The following WDR76 variants were observed in gnomAD, a reference collection of about 807,000 sequenced individuals.
The protein encoded by WDR76 is WD repeat domain 76.
Under a neutral mutation model 70.2 loss-of-function variants are expected in WDR76, and 52 were observed. That is an observed-to-expected ratio of 0.74 (90% CI 0.59 to 0.93). The LOEUF is 0.93. WDR76 is among the 40% of genes least tolerant of loss of function. The probability of loss-of-function intolerance (pLI) is 0.00; values close to 1 mark genes in which losing one functional copy is unlikely to be tolerated. For missense variants in WDR76, 756 were observed against 760.2 expected (o/e 0.99, Z 0.07); for synonymous variants, 292 against 271.1 (o/e 1.08, Z -0.76).
At chr15:43,843,788 A>G in intron 7 of WDR76, 113 bp from the exon 8 acceptor site, 2 of 950,044 alleles carry the variant, frequency 2.1e-6, no homozygotes, top group East Asian at 2.8e-5. Context: ...AGGAGATTGA[A>G]TAGTTCCCAT....
At chr15:43,858,579 A>T in intron 10 of WDR76, 92 bp from the exon 11 acceptor site, 1 of 1,478,812 alleles carries the variant, frequency 6.8e-7, no homozygotes, top group Non-Finnish European at 9.2e-7. Flanking sequence ...TCAGTATAGC[A>T]AGTATGTGAG....
Position 43,828,003 on chromosome 15 carries a change from G to A in WDR76, c.99G>A (p.Val33=). 6.2e-7 allele frequency: 1 copy of A among 1,609,482 alleles called. No individual in the cohort carries two copies. The change falls in exon 2 of 13, where the codon GTG becomes GTA. Residue 33 remains valine (V), a synonymous_variant. Coordinates refer to ENST00000263795, the MANE Select transcript of WDR76 (RefSeq NM_024908.4). ...AAGAAAATCAAAACATCGCTTATGT[G>A]TCTCTGAGACCAGCACAGACTACAG... The part of the protein sequence containing the change: ...EYKENQNIAY[V]SLRPAQTTVL...
intron 3 of WDR76, among the ~76,000 whole-genome samples, chr15:43,835,478 G>C (rs1365445944): frequency 9.4e-6 from 1 of 106,540 alleles, no homozygotes; most frequent in Non-Finnish European, 2.0e-5. Flanking sequence ...AACAGAGCCA[G>C]ACCCTGTCTC....
In WDR76 at chr15:43,837,731, G is replaced by A. The variant is rs935781843; in HGVS notation, c.608+1515G>A. ...GTACATATAATGTATTTGTGTAGTT[G>A]AAAAATTATACAGGTCCCATCCATG... On this transcript the variant is annotated intron_variant, in intron 4 of 12. Transcript: ENST00000263795. 3.3e-5 allele frequency among the ~76,000 whole-genome samples: 5 copies of A among 152,036 alleles called. No homozygotes were observed. In the East Asian group the frequency reaches 5.8e-4, roughly 18 times the overall value.
rs1439557164 is a variant in WDR76, at chr15:43,835,304, C to T, written c.552+154C>T. On this transcript the variant is annotated intron_variant, in intron 3 of 12. Transcript: ENST00000263795. ...TAACATACGGAGACCCGCCCCCCGCCCCCCGCCCCCCACCCCAATCTCTAT... is the reference window on the plus strand; with the variant it reads ...TAACATACGGAGACCCGCCCCCCGCTCCCCGCCCCCCACCCCAATCTCTAT... Among the ~76,000 whole-genome samples the T allele has an allele frequency of 3.0e-4, 41 of 137,302 alleles. No homozygotes were observed. The South Asian group carries it at 0.01, about 34-fold the overall frequency. The allele number at this position is 137,302 out of a possible 152,430, so 90.1% of individuals were successfully genotyped here.
intron 8 of WDR76, among the ~76,000 whole-genome samples, chr15:43,850,453 G>T (rs1245249433): frequency 1.3e-5 from 2 of 151,756 alleles, no homozygotes; most frequent in Non-Finnish European, 2.9e-5. Flanking sequence ...CGGCCACCAC[G>T]CCCGGCTAGT....
At position 43,835,105 on chromosome 15, in the gene WDR76, C is replaced by A; in HGVS notation, c.507C>A (p.Asn169Lys). Residue 169 changes from asparagine (N) to lysine (K), a missense_variant, in exon 3 of 13, where the codon AAC becomes AAA. Transcript: ENST00000263795. The part of the protein sequence containing the change: ...LSPYERKRLK[N>K]ISENADFFAS... ...CCTACGAAAGGAAGAGACTGAAGAA[C>A]ATATCAGAAAACGCAGACTTTTTTG... 2 of 1,614,090 alleles carry A rather than the reference C, an allele frequency of 1.2e-6. No individual in the cohort carries two copies. Among genetic ancestry groups the A allele is most frequent in the Non-Finnish European group, 1.7e-6 (2 of 1,180,022 alleles).
Position 43,827,038 on chromosome 15 carries a change from C to T in WDR76, c.6C>T (p.Ser2=), listed in dbSNP as rs141258634. The change falls in exon 1 of 13, where the codon TCC becomes TCT. Residue 2 remains serine, a synonymous_variant. Coordinates refer to ENST00000263795, the MANE Select transcript of WDR76 (RefSeq NM_024908.4). ...GGCCGCTAAGAAGCCGAAAGATGTCCAGGTCGGGCGCGGCGGCTGAGAAGG... is the reference window on the plus strand; with the variant it reads ...GGCCGCTAAGAAGCCGAAAGATGTCTAGGTCGGGCGCGGCGGCTGAGAAGG... M[S]RSGAAAEKAD... 1.9e-6 allele frequency: 3 copies of T among 1,613,968 alleles called. No homozygotes were observed. The highest frequency in any genetic ancestry group is 2.5e-6 in the Non-Finnish European group (3 of 1,180,018).
intron 11 of WDR76, among the ~76,000 whole-genome samples, chr15:43,860,018 A>G (rs903735504): frequency 1.3e-5 from 2 of 152,314 alleles, no homozygotes; most frequent in African/African-American, 4.8e-5. Context: ...CGGGAGGCTG[A>G]GGTGGGAGGA....
chr15:43,838,036 C>A (rs1244277718), intron 4 of WDR76, among the ~76,000 whole-genome samples: 1 of 151,916 alleles, frequency 6.6e-6, no homozygotes. Flanking sequence ...CCACCACGCC[C>A]GGCTAATTTT....
intron 2 of WDR76, among the ~76,000 whole-genome samples, chr15:43,828,942 G>A (rs1280802779): frequency 2.7e-5 from 4 of 148,046 alleles, no homozygotes; most frequent in East Asian, 2.0e-4. Flanking sequence ...TCGCTCTGTC[G>A]CCCAGGCCAG....
At chr15:43,856,151 A>G (rs1202761559) in intron 9 of WDR76, among the ~76,000 whole-genome samples, 1 of 152,148 alleles carries the variant, frequency 6.6e-6, no homozygotes, top group Non-Finnish European at 1.5e-5. Flanking sequence ...GTATTTCAAA[A>G]TAGAGGTGGA....
intron 11 of WDR76, 76 bp from the exon 12 acceptor site, chr15:43,861,257 C>A: frequency 8.3e-7 from 1 of 1,208,622 alleles, no homozygotes; most frequent in Non-Finnish European, 1.2e-6. Context: ...TAATGAGAAG[C>A]TTGTTAAATA....
chr15:43,860,517 C>G (rs916931790), intron 11 of WDR76, among the ~76,000 whole-genome samples: 1 of 152,138 alleles, frequency 6.6e-6, no homozygotes, highest in African/African-American at 2.4e-5. Context: ...GACAGTATCT[C>G]TTTGTTGCCC....
At chr15:43,843,603 T>C (rs1029392294) in intron 7 of WDR76, among the ~76,000 whole-genome samples, 6 of 152,178 alleles carry the variant, frequency 3.9e-5, no homozygotes, top group African/African-American at 1.4e-4. Flanking sequence ...GCCGAATTGT[T>C]GCTCAAAGGT....
chr15:43,858,865 G>A (rs13329084), intron 11 of WDR76, 42 bp downstream of exon 11: 147,500 of 1,593,674 alleles, frequency 0.093, 7,642 homozygotes, highest in East Asian at 0.18. Context: ...AATCTAAAGA[G>A]TCTATAGCTA....
rs530169770 is a variant in WDR76, at chr15:43,841,809, T to C, written c.733-606T>C. ...AGTCAATTCTCAGCTTCTCCAGTTA[T>C]TGGCTGTGTGACTTTGGGCAAGTTA... is the stretch of plus-strand genomic sequence containing the variant. On this transcript the variant is annotated intron_variant, in intron 5 of 12. Transcript: ENST00000263795. Among the ~76,000 whole-genome samples the C allele has an allele frequency of 3.4e-4, 52 of 152,352 alleles. 1 individual carries two copies. The highest frequency in any genetic ancestry group is 5.7e-4 in the Non-Finnish European group (39 of 68,024).
rs5812253 is a variant in WDR76, at chr15:43,866,622, C to CTT, written c.*250_*251dup. On this transcript the variant is annotated 3_prime_UTR_variant, in exon 13 of 13. Coordinates refer to ENST00000263795, the MANE Select transcript of WDR76 (RefSeq NM_024908.4). ...AGGGGAGGCTGAGGTGCCGTCAGGA[C>CTT]TTTTTTTTTTTTTTTTTTTTTGAGA... 8.0e-4 allele frequency: 100 copies of CTT among 124,562 alleles called. No individual in the cohort carries two copies. Among genetic ancestry groups the CTT allele is most frequent in the South Asian group, 1.6e-3 (16 of 9,956 alleles). 7.7% of individuals were successfully genotyped at this position (124,562 alleles called of 1,614,324 possible).
rs771263248 is a variant in WDR76 at position 43,827,614 on chromosome 15, G to A, written c.61-351G>A. On this transcript the variant is annotated intron_variant, in intron 1 of 12. Transcript: ENST00000263795. ...GGCTGGAGGGCAGTGGTGTGATCTC[G>A]GCTCACTGCAACCTCCGTCTCCCGG... 3.3e-5 allele frequency among the ~76,000 whole-genome samples: 5 copies of A among 151,872 alleles called. No homozygotes were observed. In the East Asian group the frequency reaches 7.7e-4, roughly 23 times the overall value.
Sources: gnomAD v4.1 joint callset for allele counts (sites outside exome capture counted in the v4.1 genomes callset) on GRCh38, gnomAD v4.1.1 for gene constraint, MANE v1.5 for transcripts, NCBI Gene and HGNC (gene_info 2026-07-23, HGNC 2026-07-21) for gene names.